CPQ: variants seen among roughly 807,000 people sequenced by gnomAD.
The protein encoded by CPQ is carboxypeptidase Q.
Under a neutral mutation model 45.7 loss-of-function variants are expected in CPQ, and 37 were observed. The observed-to-expected ratio is 0.81, with a 90% confidence interval of 0.62 to 1.07. CPQ has a LOEUF of 1.07. Ranked by LOEUF, CPQ falls within the 50% of genes least tolerant of loss-of-function variation. The probability of loss-of-function intolerance (pLI) is 0.00; values close to 1 mark genes in which losing one functional copy is unlikely to be tolerated. For missense variants in CPQ, 537 were observed against 572.9 expected (o/e 0.94, Z 0.64); for synonymous variants, 186 against 205.8 (o/e 0.90, Z 0.82).
rs547427730 is a variant in CPQ, at chr8:96,770,874, C to A, written c.-34-13990C>A. ...GGCTCTAGCACAGCCACCAGGCATA[C>A]AATTAGGGAGGAGAAGTGGATGTAC... On this transcript the variant is annotated intron_variant, in intron 1 of 7. Transcript: ENST00000220763. 1.0e-3 allele frequency among the ~76,000 whole-genome samples: 149 copies of A among 148,800 alleles called. 4 individuals carry two copies. The South Asian group carries it at 0.03, about 30-fold the overall frequency.
chr8:96,733,391 C>T lies in CPQ; in HGVS notation c.-34-51473C>T, dbSNP rs186734011. On this transcript the variant is annotated intron_variant, in intron 1 of 7. Coordinates refer to ENST00000220763, the MANE Select transcript of CPQ (RefSeq NM_016134.4). ...AAATTTGTAGATGAGGGATTTTAAT[C>T]CTTCACTTTGTATTTGATACATGAC... Among the ~76,000 whole-genome samples the T allele has an allele frequency of 5.9e-3, 896 of 152,248 alleles. 6 individuals carry two copies. The highest frequency in any genetic ancestry group is 0.02 in the South Asian group (98 of 4,828).
intron 1 of CPQ, among the ~76,000 whole-genome samples, chr8:96,688,579 T>C (rs748898609): frequency 2.6e-5 from 4 of 152,190 alleles, no homozygotes; most frequent in Non-Finnish European, 5.9e-5. Context: ...TTTATAATTA[T>C]ATCTTTATGT....
chr8:96,821,561 G>A (rs1288436018), intron 2 of CPQ, among the ~76,000 whole-genome samples: 1 of 151,564 alleles, frequency 6.6e-6, no homozygotes, highest in East Asian at 1.9e-4. Context: ...ATCCTTCTTA[G>A]TGCCTCAAAC....
chr8:96,911,062 A>T (rs149305223), intron 4 of CPQ, among the ~76,000 whole-genome samples: 3 of 152,118 alleles, frequency 2.0e-5, no homozygotes, highest in Admixed American at 6.6e-5. Context: ...ACTTTTTATG[A>T]TGTGAATACT....
At chr8:97,068,802 A>C (rs988738662) in intron 7 of CPQ, among the ~76,000 whole-genome samples, 1 of 152,244 alleles carries the variant, frequency 6.6e-6, no homozygotes, top group Non-Finnish European at 1.5e-5. Context: ...AAACAGACTC[A>C]TAAGGGTTAA....
At chr8:96,712,728 C>A (rs1366791039) in intron 1 of CPQ, among the ~76,000 whole-genome samples, 1 of 152,208 alleles carries the variant, frequency 6.6e-6, no homozygotes, top group Non-Finnish European at 1.5e-5. Context: ...TCATTTTTCC[C>A]TCCTAGGCCT....
At chr8:97,139,683 G>C (rs1273569940) in intron 7 of CPQ, among the ~76,000 whole-genome samples, 1 of 151,880 alleles carries the variant, frequency 6.6e-6, no homozygotes, top group Non-Finnish European at 1.5e-5. Flanking sequence ...TAAATATTTA[G>C]AACTGAATTG....
intron 2 of CPQ, among the ~76,000 whole-genome samples, chr8:96,788,925 C>A (rs1171720008): frequency 6.6e-6 from 1 of 152,058 alleles, no homozygotes; most frequent in Non-Finnish European, 1.5e-5. Flanking sequence ...AGCCTCTATA[C>A]TGAATTTGTC....
In CPQ at chr8:96,876,685, C is replaced by A. The variant is rs188025844; in HGVS notation, c.642-3113C>A. 1.0e-3 allele frequency among the ~76,000 whole-genome samples: 153 copies of A among 152,264 alleles called. 1 individual carries two copies. The highest frequency in any genetic ancestry group is 9.4e-3 in the Admixed American group (144 of 15,294). On this transcript the variant is annotated intron_variant, in intron 3 of 7. Coordinates refer to ENST00000220763, the MANE Select transcript of CPQ (RefSeq NM_016134.4). The stretch of plus-strand genomic sequence containing the variant: ...CTTTTTCAGCATCTGCTGGGATAAT[C>A]ATGTGGTATTGTCCTTTATTATATT...
At chr8:96,836,377 C>T (rs1332593878) in intron 3 of CPQ, among the ~76,000 whole-genome samples, 1 of 152,266 alleles carries the variant, frequency 6.6e-6, no homozygotes, top group East Asian at 1.9e-4. Context: ...GATAAGATAT[C>T]TTCCCAGGGG....
chr8:96,709,698 A>G (rs1809582336), intron 1 of CPQ, among the ~76,000 whole-genome samples: 1 of 152,194 alleles, frequency 6.6e-6, no homozygotes, highest in South Asian at 2.1e-4. Context: ...TAACTTGTGA[A>G]TGCAAAACCA....
chr8:97,010,652 C>T (rs1403617533), intron 5 of CPQ, among the ~76,000 whole-genome samples: 1 of 152,128 alleles, frequency 6.6e-6, no homozygotes, highest in African/African-American at 2.4e-5. Flanking sequence ...TGTAATCGCT[C>T]TCCACAAATT....
chr8:96,793,611 C>G (rs1810882037), intron 2 of CPQ, among the ~76,000 whole-genome samples: 1 of 152,176 alleles, frequency 6.6e-6, no homozygotes, highest in South Asian at 2.1e-4. Flanking sequence ...CATTTCAAAA[C>G]CAATCATGCT....
chr8:97,138,567 A>T (rs1812102251), intron 7 of CPQ, among the ~76,000 whole-genome samples: 1 of 152,256 alleles, frequency 6.6e-6, no homozygotes, highest in African/African-American at 2.4e-5. Flanking sequence ...ATTGGATATA[A>T]TAATAATTGC....
At chr8:97,100,014 G>C (rs143296722) in intron 7 of CPQ, among the ~76,000 whole-genome samples, 147 of 152,268 alleles carry the variant, frequency 9.7e-4, no homozygotes, top group Non-Finnish European at 1.7e-3. Flanking sequence ...ATGATAAGCT[G>C]TACAGCAGTG....
intron 4 of CPQ, among the ~76,000 whole-genome samples, chr8:96,935,175 A>G (rs778466018): frequency 1.3e-5 from 2 of 152,154 alleles, no homozygotes; most frequent in Non-Finnish European, 2.9e-5. Flanking sequence ...TTCTCAGGCA[A>G]GCTGCCTACA....
At chr8:97,011,723 T>G (rs1189727493) in intron 5 of CPQ, among the ~76,000 whole-genome samples, 1 of 152,226 alleles carries the variant, frequency 6.6e-6, no homozygotes, top group Non-Finnish European at 1.5e-5. Flanking sequence ...TGAGGTAATA[T>G]TTTGAAAATT....
chr8:96,884,994 A>C (rs1257482805), intron 4 of CPQ, among the ~76,000 whole-genome samples: 8 of 152,176 alleles, frequency 5.3e-5, no homozygotes, highest in African/African-American at 1.7e-4. Flanking sequence ...ATCTTTGGAG[A>C]CTTGAAAGTA....
chr8:96,901,125 G>A (rs1812508091), intron 4 of CPQ, among the ~76,000 whole-genome samples: 1 of 152,118 alleles, frequency 6.6e-6, no homozygotes, highest in Non-Finnish European at 1.5e-5. Flanking sequence ...CTGGCAGAGA[G>A]CCACTCATCC....
Sources: allele counts gnomAD v4.1 joint callset (sites outside exome capture counted in the v4.1 genomes callset), GRCh38; gene constraint gnomAD v4.1.1; transcripts MANE v1.5; gene names NCBI Gene and HGNC (gene_info 2026-07-23, HGNC 2026-07-21).